Variants in AFDN observed in about 807,000 individuals in gnomAD.
AFDN encodes the protein afadin, adherens junction formation factor.
In AFDN, 68 loss-of-function variants were observed where a neutral mutation model predicts 216.6. That is an observed-to-expected ratio of 0.31 (90% confidence interval 0.26 to 0.38). The LOEUF is 0.38. AFDN is among the 10% of genes least tolerant of loss of function. The pLI is 1.00. For missense variants in AFDN, 2,136 were observed against 2,342.0 expected (o/e 0.91, Z 1.82); for synonymous variants, 868 against 853.7 (o/e 1.02, Z -0.29).
chr6:167,914,773 G>T, intron 18 of AFDN, 35 bp downstream of exon 18: 2 of 1,423,418 alleles, frequency 1.4e-6, no homozygotes, highest in Non-Finnish European at 2.0e-6. Flanking sequence ...CCTCTATCCC[G>T]CTTCCTTCAC....
intron 2 of AFDN, 187 bp downstream of exon 2, chr6:167,864,933 C>T: frequency 1.3e-6 from 1 of 764,828 alleles, no homozygotes; most frequent in Non-Finnish European, 2.4e-6. Flanking sequence ...TTATAAATCC[C>T]TGGCACATAT....
chr6:167,965,797 A>C lies in AFDN; in HGVS notation c.5009A>C (p.Glu1670Ala), dbSNP rs748358021. 15 of 1,563,032 alleles carry C rather than the reference A, an allele frequency of 9.6e-6. No individual in the cohort carries two copies. Among genetic ancestry groups the C allele is most frequent in the Non-Finnish European group, 1.3e-5 (15 of 1,155,890 alleles). The change falls in exon 32 of 34, where the codon GAG (glutamate) becomes GCG (alanine). Residue 1670 changes from glutamate to alanine, a missense_variant. Physicochemically the swap from Glu to Ala is moderately radical, Grantham distance 107. Coordinates refer to ENST00000683244, the MANE Select transcript of AFDN (RefSeq NM_001386888.1). ...EEGYYSRLEAERRRQHDEAAR... is the reference protein window; with the variant it reads ...EEGYYSRLEAARRRQHDEAAR... The stretch of plus-strand genomic sequence containing the variant: ...GGGTATTACAGCCGCCTGGAAGCCG[A>C]GAGGCGCAGACAGCACGACGAGGCG...
chr6:167,947,387 G>A (rs900964168), intron 27 of AFDN, among the ~76,000 whole-genome samples: 5 of 152,128 alleles, frequency 3.3e-5, no homozygotes, highest in African/African-American at 9.7e-5. Flanking sequence ...CACCATGTTA[G>A]CCAGGATGGT....
intron 11 of AFDN, among the ~76,000 whole-genome samples, chr6:167,898,957 A>G (rs771802419): frequency 3.3e-5 from 5 of 152,108 alleles, no homozygotes; most frequent in Non-Finnish European, 5.9e-5. Context: ...TATCTAGTAA[A>G]ATTTTTTTGT....
At chr6:167,933,153 C>T (rs970087751) in intron 23 of AFDN, among the ~76,000 whole-genome samples, 8 of 152,160 alleles carry the variant, frequency 5.3e-5, no homozygotes, top group African/African-American at 1.9e-4. Context: ...CAGCCTTTCT[C>T]TAAGACCTGT....
rs1562356139 is a variant in AFDN, at chr6:167,966,011, T to C, written c.5223T>C (p.Asn1741=). The change falls in exon 32 of 34, where the codon AAT becomes AAC. Residue 1741 remains asparagine (N), a synonymous_variant. Coordinates refer to ENST00000683244, the MANE Select transcript of AFDN (RefSeq NM_001386888.1). Reference sequence around the variant, plus strand: ...TCACTGCCAAGTTTGTTGCATACAATGAGGAGGAGGAGGAGGAGGACTGCA... The same window carrying C: ...TCACTGCCAAGTTTGTTGCATACAACGAGGAGGAGGAGGAGGAGGACTGCA... ...SLFTAKFVAY[N]EEEEEEDCSL... The C allele has an allele frequency of 1.3e-6, 2 of 1,520,098 alleles. No individual in the cohort carries two copies. The highest frequency in any genetic ancestry group is 2.8e-5 in the African/African-American group (2 of 71,866). 94.2% of individuals were successfully genotyped at this position (1,520,098 alleles called of 1,614,324 possible). A position where few individuals can be genotyped will look rare whatever the true frequency, so the allele number is the denominator to read the frequency against.
chr6:167,899,899 T>C (rs1417769063), intron 11 of AFDN, among the ~76,000 whole-genome samples: 4 of 152,238 alleles, frequency 2.6e-5, no homozygotes, highest in Non-Finnish European at 5.9e-5. Flanking sequence ...ACAATTCTAG[T>C]AGCAGCCTGT....
At chr6:167,908,904 G>A (rs1257845630) in intron 13 of AFDN, among the ~76,000 whole-genome samples, 1 of 152,084 alleles carries the variant, frequency 6.6e-6, no homozygotes, top group East Asian at 1.9e-4. Flanking sequence ...ATGCAGTCAT[G>A]AAAAATTTAA....
chr6:167,930,093 T>TAG (rs1793093204), intron 23 of AFDN, among the ~76,000 whole-genome samples: 1 of 152,058 alleles, frequency 6.6e-6, no homozygotes, highest in Non-Finnish European at 1.5e-5. Flanking sequence ...TGGTCCCAGT[T>TAG]ACACTGGCGG....
In AFDN at chr6:167,966,061, C is replaced by A; in HGVS notation, c.5257+16C>A. The A allele has an allele frequency of 2.6e-6, 4 of 1,541,202 alleles. No individual in the cohort carries two copies. Among genetic ancestry groups the A allele is most frequent in the Non-Finnish European group, 3.5e-6 (4 of 1,146,902 alleles). ...AGCCTAGCAGGTCAGGATAAGTACT[C>A]CAGCACAAGAAAGTCTCATGGGGAC... On this transcript the variant is annotated intron_variant, in intron 32 of 33. Transcript: ENST00000683244.
At chr6:167,956,046 T>C (rs1302814885) in intron 30 of AFDN, among the ~76,000 whole-genome samples, 1 of 126,786 alleles carries the variant, frequency 7.9e-6, no homozygotes, top group Non-Finnish European at 1.6e-5. Flanking sequence ...ACCCAGGAGG[T>C]GGAGGTTGCA....
At chr6:167,897,078 T>TC in intron 10 of AFDN, 106 bp downstream of exon 10, 1 of 409,112 alleles carries the variant, frequency 2.4e-6, no homozygotes, top group South Asian at 4.2e-5. Flanking sequence ...AATTACCGAC[T>TC]TGTATTTAAA....
chr6:167,913,363 T>A, intron 15 of AFDN, 40 bp from the exon 16 acceptor site: 4 of 1,533,958 alleles, frequency 2.6e-6, no homozygotes, highest in Non-Finnish European at 2.6e-6. Context: ...AGTTTCTTTC[T>A]CTCGTTCTGC....
chr6:167,905,322 G>A (rs1235333212), intron 12 of AFDN, among the ~76,000 whole-genome samples: 1 of 152,166 alleles, frequency 6.6e-6, no homozygotes, highest in Non-Finnish European at 1.5e-5. Context: ...CTTAAAAAAT[G>A]CCTGCTGTGT....
chr6:167,960,205 A>G (rs964885144), intron 30 of AFDN, among the ~76,000 whole-genome samples: 1 of 152,222 alleles, frequency 6.6e-6, no homozygotes, highest in African/African-American at 2.4e-5. Context: ...GGAGATGGAA[A>G]TACGTGAGTT....
Position 167,948,525 on chromosome 6 carries a change from A to G in AFDN, c.3831+47A>G, listed in dbSNP as rs1246829664. Reference sequence around the variant, plus strand: ...ACACTTTTCTCACCTCTCAAGGAGGACACACTGAGTTCTGAGACACAATTA... The same window carrying G: ...ACACTTTTCTCACCTCTCAAGGAGGGCACACTGAGTTCTGAGACACAATTA... On this transcript the variant is annotated intron_variant, in intron 29 of 33. Transcript: ENST00000683244. The G allele has an allele frequency of 3.2e-6, 5 of 1,547,158 alleles. No homozygotes were observed. In the East Asian group the frequency reaches 9.0e-5, roughly 28 times the overall value.
intron 23 of AFDN, among the ~76,000 whole-genome samples, chr6:167,926,017 G>A (rs1792482244): frequency 6.6e-6 from 1 of 152,202 alleles, no homozygotes. Flanking sequence ...TGATAGAAGT[G>A]CCTTCTGAAT....
At chr6:167,901,416 A>G (rs545991940) in intron 11 of AFDN, among the ~76,000 whole-genome samples, 5 of 152,286 alleles carry the variant, frequency 3.3e-5, no homozygotes, top group East Asian at 1.9e-4. Flanking sequence ...AGACTCTTCA[A>G]TCTTCATAAT....
intron 21 of AFDN, among the ~76,000 whole-genome samples, chr6:167,920,996 G>T (rs546910307): frequency 6.6e-6 from 1 of 152,124 alleles, no homozygotes; most frequent in African/African-American, 2.4e-5. Context: ...TGTCCTCCAC[G>T]CTTAGTGAGG....
Sources: gnomAD v4.1 joint callset for allele counts (sites outside exome capture counted in the v4.1 genomes callset) on GRCh38, gnomAD v4.1.1 for gene constraint, MANE v1.5 for transcripts, NCBI Gene and HGNC (gene_info 2026-07-23, HGNC 2026-07-21) for gene names.